Variants in TANGO6 observed in about 807,000 individuals in gnomAD.
TANGO6 encodes transport and Golgi organization protein 6 homolog.
Under a neutral mutation model 114.2 loss-of-function variants are expected in TANGO6, and 90 were observed. The observed-to-expected ratio is 0.79, with a 90% CI of 0.66 to 0.94. TANGO6 has a LOEUF of 0.94. Ranked by LOEUF, TANGO6 falls within the 40% of genes least tolerant of loss-of-function variation. The pLI is 0.00. For missense variants in TANGO6, 1,274 were observed against 1,315.3 expected, an observed-to-expected ratio of 0.97 and a Z score of 0.49; for synonymous variants, 477 against 509.8, an observed-to-expected ratio of 0.94 and a Z score of 0.87.
At chr16:69,006,703 A>T (rs1286325418) in intron 15 of TANGO6, among the ~76,000 whole-genome samples, 14 of 152,188 alleles carry the variant, frequency 9.2e-5, no homozygotes, top group Admixed American at 9.2e-4. Context: ...GTGAACTGAG[A>T]TCGCACCACT....
intron 15 of TANGO6, among the ~76,000 whole-genome samples, chr16:69,012,574 AAAAAGG>A: frequency 6.9e-6 from 1 of 144,134 alleles, no homozygotes. Context: ...AAAAAAAAAA[AAAAAGG>A]AAAAAAAAAA....
At chr16:68,871,690 G>A (rs1377624990) in intron 4 of TANGO6, among the ~76,000 whole-genome samples, 1 of 152,068 alleles carries the variant, frequency 6.6e-6, no homozygotes, top group African/African-American at 2.4e-5. Flanking sequence ...CATGATCTTG[G>A]TTCACTGCAA....
intron 9 of TANGO6, among the ~76,000 whole-genome samples, chr16:68,903,327 A>T (rs544135991): frequency 1.2e-4 from 19 of 152,168 alleles, no homozygotes; most frequent in Non-Finnish European, 2.5e-4. Flanking sequence ...GTTATCAAGA[A>T]GATGTTTTTG....
chr16:68,857,996 T>A (rs1962026783), intron 1 of TANGO6, among the ~76,000 whole-genome samples: 1 of 152,174 alleles, frequency 6.6e-6, no homozygotes, highest in African/African-American at 2.4e-5. Context: ...TGGGTAACCT[T>A]GATGTTATTT....
intron 11 of TANGO6, among the ~76,000 whole-genome samples, chr16:68,911,573 C>T (rs1483436973): frequency 6.6e-5 from 10 of 152,000 alleles, no homozygotes; most frequent in African/African-American, 2.2e-4. Flanking sequence ...CATGCCACCA[C>T]GCCTGGCTAA....
chr16:68,917,552 T>C (rs142459270), intron 11 of TANGO6, among the ~76,000 whole-genome samples: 69 of 152,290 alleles, frequency 4.5e-4, no homozygotes, highest in Middle Eastern at 6.8e-3. Context: ...CTCCTGTTGA[T>C]CTCCATCCTC....
chr16:68,918,174 C>T (rs186852805), intron 11 of TANGO6, among the ~76,000 whole-genome samples: 39 of 152,216 alleles, frequency 2.6e-4, no homozygotes, highest in Non-Finnish European at 5.0e-4. Context: ...TCCCAAAGTG[C>T]TGGGATTACA....
intron 14 of TANGO6, among the ~76,000 whole-genome samples, chr16:68,953,749 C>G (rs541686124): frequency 6.6e-6 from 1 of 152,288 alleles, no homozygotes; most frequent in East Asian, 1.9e-4. Flanking sequence ...TCTTCTTGGT[C>G]GTGAAACCCG....
chr16:68,844,933 T>G, intron 1 of TANGO6, among the ~76,000 whole-genome samples: 1 of 151,634 alleles, frequency 6.6e-6, no homozygotes, highest in East Asian at 1.9e-4. Context: ...TTTAAGTTGC[T>G]AATCGAGAGG....
chr16:68,848,424 C>T (rs963409587), intron 1 of TANGO6, among the ~76,000 whole-genome samples: 18 of 151,712 alleles, frequency 1.2e-4, no homozygotes, highest in Non-Finnish European at 2.4e-4. Context: ...CAATTCAGAG[C>T]GTATTATTTT....
chr16:68,850,264 G>A (rs1219034734), intron 1 of TANGO6, among the ~76,000 whole-genome samples: 3 of 152,100 alleles, frequency 2.0e-5, no homozygotes, highest in Non-Finnish European at 2.9e-5. Context: ...GAGCCACTGC[G>A]TCCAGCCTCT....
chr16:69,077,778 T>A (rs1307282822), intron 17 of TANGO6, among the ~76,000 whole-genome samples: 1 of 151,952 alleles, frequency 6.6e-6, no homozygotes, highest in Non-Finnish European at 1.5e-5. Context: ...GGCAGTGAGC[T>A]GAGATAGAGC....
intron 1 of TANGO6, among the ~76,000 whole-genome samples, chr16:68,851,087 A>G (rs1210512365): frequency 5.9e-5 from 9 of 151,902 alleles, no homozygotes; most frequent in Non-Finnish European, 1.2e-4. Flanking sequence ...ATAATCTGTG[A>G]TTTCCTATTC....
chr16:68,862,953 T>A lies in TANGO6; in HGVS notation c.744T>A (p.Thr248=). Residue 248 remains threonine, a synonymous_variant, in exon 3 of 18, where the codon ACT becomes ACA. Transcript: ENST00000261778. ...GTGCATATTTCTTTTAGGTTCTAAC[T>A]GAAGAGGAGAGAACCCTATCCAGGG... ...KLLTPAEEVL[T]EEERTLSRGA... 1 of 1,591,002 alleles carries A rather than the reference T, an allele frequency of 6.3e-7. No homozygotes were observed. Among genetic ancestry groups the A allele is most frequent in the Non-Finnish European group, 8.6e-7 (1 of 1,168,174 alleles).
chr16:68,964,763 G>A (rs151231297), intron 14 of TANGO6, among the ~76,000 whole-genome samples: 181 of 151,418 alleles, frequency 1.2e-3, no homozygotes, highest in African/African-American at 4.1e-3. Context: ...ACGGGATTTC[G>A]CTATGTTGGC....
At chr16:68,875,039 A>G (rs1420034892) in intron 4 of TANGO6, 115 bp from the exon 5 acceptor site, 3 of 1,149,168 alleles carry the variant, frequency 2.6e-6, no homozygotes, top group African/African-American at 3.1e-5. Flanking sequence ...AAAATAAACT[A>G]TTTTCAATAG....
At chr16:68,912,932 TAGC>T (rs1446766268) in intron 11 of TANGO6, among the ~76,000 whole-genome samples, 1 of 148,078 alleles carries the variant, frequency 6.8e-6, no homozygotes, top group Non-Finnish European at 1.5e-5. Flanking sequence ...AAAAAAAAAT[TAGC>T]AGGGTGTGGT....
chr16:68,979,398 T>G (rs1378804467), intron 15 of TANGO6, among the ~76,000 whole-genome samples: 1 of 151,730 alleles, frequency 6.6e-6, no homozygotes, highest in Non-Finnish European at 1.5e-5. Flanking sequence ...TCCAACTAAT[T>G]TTTGTATTTT....
intron 15 of TANGO6, among the ~76,000 whole-genome samples, chr16:68,983,560 T>G (rs972253894): frequency 1.3e-5 from 2 of 151,978 alleles, no homozygotes; most frequent in Non-Finnish European, 2.9e-5. Context: ...ACAAATTGCA[T>G]TGGTAAGAAG....
Sources: allele counts gnomAD v4.1 joint callset (sites outside exome capture counted in the v4.1 genomes callset), GRCh38; gene constraint gnomAD v4.1.1; transcripts MANE v1.5; gene names NCBI Gene and HGNC (gene_info 2026-07-23, HGNC 2026-07-21).